The following GALNT18 variants were observed in gnomAD, a reference collection of about 807,000 sequenced individuals.
GALNT18 encodes the protein GalNAc-transferase 18.
Under a neutral mutation model 69.5 loss-of-function variants are expected in GALNT18, and 44 were observed. The ratio of observed to expected loss-of-function variants is 0.63; its 90% confidence interval spans 0.50 to 0.81. The LOEUF (loss-of-function observed/expected upper bound fraction) is 0.81, where lower values mean the gene tolerates loss of function less well. Ranked by LOEUF, GALNT18 falls within the 40% of genes least tolerant of loss-of-function variation. GALNT18 has a pLI of 0.00. For synonymous variants in GALNT18, 364 were observed against 318.2 expected (o/e 1.14, Z -1.53); for missense variants, 715 against 810.0 (o/e 0.88, Z 1.42).
chr11:11,546,204 G>A lies in GALNT18; in HGVS notation c.235+75155C>T, dbSNP rs1858049651. Among the ~76,000 whole-genome samples the A allele has an allele frequency of 6.6e-6, 1 of 152,030 alleles. No individual in the cohort carries two copies. Among genetic ancestry groups the A allele is most frequent in the Non-Finnish European group, 1.5e-5 (1 of 68,008 alleles). On this transcript the variant is annotated intron_variant, in intron 1 of 10. Transcript: ENST00000227756. The surrounding 1 kb of genome is among the most constrained non-coding windows in gnomAD (Gnocchi z 5.8). ...GCTACCCTTGAGCCACATCATAGTT[G>A]GAAGATAGGGTACACAGGGAGGAGA...
rs1258375880 is a variant in GALNT18 at position 11,444,786 on chromosome 11, C to T, written c.428+3958G>A. On this transcript the variant is annotated intron_variant, in intron 2 of 10. Transcript: ENST00000227756. The surrounding 1 kb of genome is among the most constrained non-coding windows in gnomAD (Gnocchi z 4.4). The stretch of plus-strand genomic sequence containing the variant: ...AGGGTTAGAATTTGGAAGAAAAGAG[C>T]CAAGAATACCAAGAGCAAAGTGTGG... 6.6e-6 allele frequency among the ~76,000 whole-genome samples: 1 copy of T among 152,058 alleles called. No individual in the cohort carries two copies. The highest frequency in any genetic ancestry group is 1.5e-5 in the Non-Finnish European group (1 of 68,020).
intron 6 of GALNT18, among the ~76,000 whole-genome samples, chr11:11,357,434 C>A (rs967082938): frequency 1.3e-5 from 2 of 152,166 alleles, no homozygotes; most frequent in African/African-American, 2.4e-5. Context: ...TGGTCAAATA[C>A]AATCTCTAAA....
At chr11:11,368,523 T>A (rs1356384884) in intron 6 of GALNT18, among the ~76,000 whole-genome samples, 7 of 152,198 alleles carry the variant, frequency 4.6e-5, no homozygotes, top group African/African-American at 1.7e-4. Flanking sequence ...TTTCAACATT[T>A]TTTCACAATT....
rs1481090645 is a variant in GALNT18, at chr11:11,505,017, C to T, written c.236-56081G>A. On this transcript the variant is annotated intron_variant, in intron 1 of 10. Transcript: ENST00000227756. This position sits in a 1 kb window ranked among gnomAD's most constrained non-coding sequence, Gnocchi z 4.6. ...GCACATAAACACACAACTGCAACAT[C>T]AAAGTGTTGGAAGCGCTAGAACCCA... Among the ~76,000 whole-genome samples the T allele has an allele frequency of 6.6e-6, 1 of 152,150 alleles. No individual in the cohort carries two copies. Among genetic ancestry groups the T allele is most frequent in the Admixed American group, 6.5e-5 (1 of 15,288 alleles).
intron 1 of GALNT18, among the ~76,000 whole-genome samples, chr11:11,577,559 A>C (rs927668062): frequency 2.0e-5 from 3 of 152,140 alleles, no homozygotes; most frequent in African/African-American, 7.2e-5. Context: ...GCCTGCATCC[A>C]TTCTCTCACC....
At position 11,338,825 on chromosome 11, in the gene GALNT18, T is replaced by C. The variant is rs1202693016; in HGVS notation, c.1278+1994A>G. Among the ~76,000 whole-genome samples the C allele has an allele frequency of 2.0e-5, 3 of 152,136 alleles. No individual in the cohort carries two copies. The East Asian group carries it at 5.8e-4, about 29-fold the overall frequency. ...CCAAGGATGGATCCCCCATGGAGCA[T>C]GTAAGCACCCAGTGAAGGTAAGAGG... On this transcript the variant is annotated intron_variant, in intron 7 of 10. Coordinates refer to ENST00000227756, the MANE Select transcript of GALNT18 (RefSeq NM_198516.3). This position sits in a 1 kb window ranked among gnomAD's most constrained non-coding sequence, Gnocchi z 5.3.
chr11:11,326,610 AAAG>A (rs1457597206), intron 9 of GALNT18, among the ~76,000 whole-genome samples: 1 of 152,308 alleles, frequency 6.6e-6, no homozygotes, highest in Non-Finnish European at 1.5e-5. Flanking sequence ...GAAGAGCTGG[AAAG>A]AAGGACCATG....
chr11:11,417,173 G>A lies in GALNT18; in HGVS notation c.595+15448C>T, dbSNP rs560731534. ...CCACACCACCATTGCAAAACCATGC[G>A]CCTTTCTGAAACGGCTGCTCAGCTC... On this transcript the variant is annotated intron_variant, in intron 3 of 10. Transcript: ENST00000227756. Among the ~76,000 whole-genome samples, 11 of 152,308 alleles carry A rather than the reference G, an allele frequency of 7.2e-5. No individual in the cohort carries two copies. The East Asian group carries it at 7.7e-4, about 11-fold the overall frequency.
rs2035629 is a variant in GALNT18 at position 11,332,328 on chromosome 11, A to G, written c.1416+366T>C. Among the ~76,000 whole-genome samples, 36,333 of 152,210 alleles carry G rather than the reference A, an allele frequency of 0.24. 5,078 individuals carry two copies. Among genetic ancestry groups the G allele is most frequent in the Admixed American group, 0.39 (5,985 of 15,298 alleles). On this transcript the variant is annotated intron_variant, in intron 8 of 10. Coordinates refer to ENST00000227756, the MANE Select transcript of GALNT18 (RefSeq NM_198516.3). The surrounding 1 kb of genome is among the most constrained non-coding windows in gnomAD (Gnocchi z 4.3). ...ATTAGCTCCTTGGTCAGGGAGGCAC[A>G]CAGGGTGACTCATAGACCCTCAGGC...
intron 2 of GALNT18, among the ~76,000 whole-genome samples, chr11:11,440,003 A>G (rs1454910308): frequency 1.3e-5 from 2 of 152,214 alleles, no homozygotes; most frequent in South Asian, 2.1e-4. Flanking sequence ...GAGTTCTGCA[A>G]TGCAGGAGAA....
At chr11:11,406,304 T>C (rs1301700898) in intron 3 of GALNT18, among the ~76,000 whole-genome samples, 1 of 152,214 alleles carries the variant, frequency 6.6e-6, no homozygotes, top group Non-Finnish European at 1.5e-5. Context: ...ATGTCTGCAG[T>C]TTCTACAAGA....
intron 1 of GALNT18, among the ~76,000 whole-genome samples, chr11:11,548,371 G>A (rs906968280): frequency 6.6e-6 from 1 of 152,198 alleles, no homozygotes; most frequent in Non-Finnish European, 1.5e-5. Flanking sequence ...GTCATCCCAA[G>A]CCACAAGGAA....
At chr11:11,306,940 C>G (rs539478460) in intron 9 of GALNT18, among the ~76,000 whole-genome samples, 1 of 152,336 alleles carries the variant, frequency 6.6e-6, no homozygotes, top group Admixed American at 6.5e-5. Context: ...TTGGTGCTGG[C>G]CTTCTCTTGC....
chr11:11,355,235 G>C (rs1211903433), intron 6 of GALNT18, among the ~76,000 whole-genome samples: 1 of 152,122 alleles, frequency 6.6e-6, no homozygotes, highest in Non-Finnish European at 1.5e-5. Context: ...GTAGGAGATG[G>C]GAATCTTACC....
At chr11:11,296,616 C>A (rs1296759489) in intron 9 of GALNT18, among the ~76,000 whole-genome samples, 2 of 152,196 alleles carry the variant, frequency 1.3e-5, no homozygotes, top group African/African-American at 4.8e-5. Context: ...ACTCAGGTAA[C>A]AGCTGAAATC....
rs1859707573 is a variant in GALNT18, at chr11:11,604,770, T to G, written c.235+16589A>C. Among the ~76,000 whole-genome samples, 1 of 152,126 alleles carries G rather than the reference T, an allele frequency of 6.6e-6. No individual in the cohort carries two copies. The highest frequency in any genetic ancestry group is 2.1e-4 in the South Asian group (1 of 4,818). On this transcript the variant is annotated intron_variant, in intron 1 of 10. Coordinates refer to ENST00000227756, the MANE Select transcript of GALNT18 (RefSeq NM_198516.3). This position sits in a 1 kb window ranked among gnomAD's most constrained non-coding sequence, Gnocchi z 5.6. Reference sequence around the variant, plus strand: ...AGAATCAGCCTCAATGACAGTTTGGTATTAACTAGCTCAGCCATGCAGGGA... The same window carrying G: ...AGAATCAGCCTCAATGACAGTTTGGGATTAACTAGCTCAGCCATGCAGGGA...
At chr11:11,434,665 TCCA>T (rs1178026874) in intron 2 of GALNT18, among the ~76,000 whole-genome samples, 2 of 152,040 alleles carry the variant, frequency 1.3e-5, no homozygotes, top group African/African-American at 2.4e-5. Context: ...GTTCTGTGGA[TCCA>T]AGGAAACCAG....
At position 11,404,874 on chromosome 11, in the gene GALNT18, C is replaced by G. The variant is rs761172124; in HGVS notation, c.596-25610G>C. On this transcript the variant is annotated intron_variant, in intron 3 of 10. Transcript: ENST00000227756. This position sits in a 1 kb window ranked among gnomAD's most constrained non-coding sequence, Gnocchi z 4.5. ...CACACCTAACCCAGACCTCAGCAGACCCGGACTCCACTCCCAGCCCATGGC... is the reference window on the plus strand; with the variant it reads ...CACACCTAACCCAGACCTCAGCAGAGCCGGACTCCACTCCCAGCCCATGGC... Among the ~76,000 whole-genome samples the G allele has an allele frequency of 2.6e-5, 4 of 152,190 alleles. No homozygotes were observed. The highest frequency in any genetic ancestry group is 6.5e-5 in the Admixed American group (1 of 15,278).
In GALNT18 at chr11:11,602,768, AAG is replaced by A. The variant is rs1481599515; in HGVS notation, c.235+18589_235+18590del. On this transcript the variant is annotated intron_variant, in intron 1 of 10. Transcript: ENST00000227756. This position sits in a 1 kb window ranked among gnomAD's most constrained non-coding sequence, Gnocchi z 4.7. ...CCCCCTGTGATTTGCACTGCAAAAA[AAG>A]AGAGAATCATTTAGAGAACAGCTGG... is the stretch of plus-strand genomic sequence containing the variant. Among the ~76,000 whole-genome samples the A allele has an allele frequency of 2.0e-5, 3 of 152,296 alleles. No homozygotes were observed. Among genetic ancestry groups the A allele is most frequent in the South Asian group, 2.1e-4 (1 of 4,822 alleles).
Sources: gnomAD v4.1 joint callset for allele counts (sites outside exome capture counted in the v4.1 genomes callset) on GRCh38, gnomAD v4.1.1 for gene constraint, Gnocchi (gnomAD v3.1) non-coding constraint, MANE v1.5 for transcripts, NCBI Gene and HGNC (gene_info 2026-07-23, HGNC 2026-07-21) for gene names.